The following DCHS2 variants were observed in gnomAD, a reference collection of about 807,000 sequenced individuals.
DCHS2 encodes protocadherin-23.
In DCHS2, 142 loss-of-function variants were observed where a neutral mutation model predicts 182.4. The observed-to-expected ratio is 0.78, with a 90% CI of 0.68 to 0.89. The LOEUF is 0.89. Ranked by LOEUF, DCHS2 falls within the 40% of genes least tolerant of loss-of-function variation. The probability of loss-of-function intolerance (pLI) is 0.00; values close to 1 mark genes in which losing one functional copy is unlikely to be tolerated. For missense variants in DCHS2, 4,319 were observed against 4,198.6 expected, an observed-to-expected ratio of 1.03 and a Z score of -0.79; for synonymous variants, 1,740 against 1,663.3, an observed-to-expected ratio of 1.05 and a Z score of -1.12.
Position 154,333,373 on chromosome 4 carries a change from C to A in DCHS2, c.2835G>T (p.Val945=). 1 of 1,614,144 alleles carries A rather than the reference C, an allele frequency of 6.2e-7. No individual in the cohort carries two copies. Among genetic ancestry groups the A allele is most frequent in the Middle Eastern group, 1.6e-4 (1 of 6,062 alleles). Residue 945 remains valine, a synonymous_variant, in exon 5 of 20, where the codon GTG becomes GTT. Coordinates refer to ENST00000357232, the MANE Select transcript of DCHS2 (RefSeq NM_001358235.2). ...GCTGCGCCTGCACCGTGAGCACAAC[C>A]ACGGGCTGCGTCTCGTGATCCAGGG... ...RKPLDHETQP[V]VVLTVQAQLG...
chr4:154,331,796 T>C, intron 5 of DCHS2: 2 of 1,452,418 alleles, frequency 1.4e-6, no homozygotes, highest in African/African-American at 2.8e-5. Flanking sequence ...GTTTCAGTTT[T>C]CCCGGGTATG....
rs139310451 is a variant in DCHS2 at position 154,448,957 on chromosome 4, G to C, written c.2052+40347C>G. ...CAACTTCCATCTGTGTGATTGTATG[G>C]TTAATGCGTGCCTCCTCACTGGACT... is the stretch of plus-strand genomic sequence containing the variant. On this transcript the variant is annotated intron_variant, in intron 1 of 19. Transcript: ENST00000357232. 5.4e-3 allele frequency among the ~76,000 whole-genome samples: 829 copies of C among 152,274 alleles called. 11 individuals carry two copies. The highest frequency in any genetic ancestry group is 0.054 in the Middle Eastern group (16 of 294).
In DCHS2 at chr4:154,329,506, A is replaced by G. The variant is rs768987398; in HGVS notation, c.3918+17T>C. 6.2e-7 allele frequency: 1 copy of G among 1,606,790 alleles called. No individual in the cohort carries two copies. Among genetic ancestry groups the G allele is most frequent in the Non-Finnish European group, 8.5e-7 (1 of 1,174,580 alleles). On this transcript the variant is annotated intron_variant, in intron 6 of 19. Coordinates refer to ENST00000357232, the MANE Select transcript of DCHS2 (RefSeq NM_001358235.2). ...ACTTAAGATATTACAAATTCATTGC[A>G]AGGTTTCTTCACAAACCTTCACGTG...
At chr4:154,398,644 C>A (rs893968610) in intron 1 of DCHS2, among the ~76,000 whole-genome samples, 1 of 152,142 alleles carries the variant, frequency 6.6e-6, no homozygotes, top group African/African-American at 2.4e-5. Flanking sequence ...GAATTCCTAT[C>A]CCTATAAAGC....
At chr4:154,320,181 G>T (rs1355808172) in intron 9 of DCHS2, among the ~76,000 whole-genome samples, 198 bp downstream of exon 9, 1 of 152,106 alleles carries the variant, frequency 6.6e-6, no homozygotes, top group African/African-American at 2.4e-5. Flanking sequence ...GTCAGAGGCT[G>T]GATGGAAGGG....
In DCHS2 at chr4:154,315,862, C is replaced by G. The variant is rs777015976; in HGVS notation, c.5146G>C (p.Asp1716His). ...AATACTGGAGCTTCATCATTTACAT[C>G]AAGAACAGTAACTGTCAAAGTCTGG... ...SSQTLTVTVL[D>H]VNDEAPVFKQ... Residue 1716 changes from aspartate to histidine, a missense_variant, in exon 10 of 20, where the codon GAT (aspartate) becomes CAT (histidine). Coordinates refer to ENST00000357232, the MANE Select transcript of DCHS2 (RefSeq NM_001358235.2). 1.2e-6 allele frequency: 2 copies of G among 1,613,988 alleles called. No homozygotes were observed. The highest frequency in any genetic ancestry group is 4.5e-5 in the East Asian group (2 of 44,850).
intron 17 of DCHS2, among the ~76,000 whole-genome samples, chr4:154,241,335 A>G (rs1454601034): frequency 6.6e-6 from 1 of 152,158 alleles, no homozygotes. Context: ...AGTGGTGCAC[A>G]CACTGCTTCC....
chr4:154,426,786 T>A lies in DCHS2; in HGVS notation c.2053-49342A>T, dbSNP rs4696568. Among the ~76,000 whole-genome samples the A allele has an allele frequency of 8.3e-4, 123 of 148,008 alleles. 1 individual carries two copies. The highest frequency in any genetic ancestry group is 6.8e-3 in the Middle Eastern group (2 of 294). ...TTGTCTCTACAAAATAAAAATAAAC[T>A]TAAAAATAAAATAAAATAACTAAAA... On this transcript the variant is annotated intron_variant, in intron 1 of 19. Coordinates refer to ENST00000357232, the MANE Select transcript of DCHS2 (RefSeq NM_001358235.2).
At chr4:154,343,550 T>C (rs1376939022) in intron 3 of DCHS2, 1 of 1,528,544 alleles carries the variant, frequency 6.5e-7, no homozygotes, top group Non-Finnish European at 8.8e-7. Context: ...CTTGCACTTT[T>C]AGGTAATGGA....
intron 3 of DCHS2, among the ~76,000 whole-genome samples, chr4:154,337,325 T>G (rs1267909462): frequency 6.6e-6 from 1 of 152,196 alleles, no homozygotes; most frequent in Non-Finnish European, 1.5e-5. Context: ...AAAGATTTTA[T>G]GTTGAGCCCT....
intron 7 of DCHS2, chr4:154,323,132 T>C: frequency 6.9e-7 from 1 of 1,443,194 alleles, no homozygotes; most frequent in South Asian, 1.5e-5. Context: ...CCTGACATTT[T>C]CCATGATCTA....
Position 154,339,761 on chromosome 4 carries a change from T to A in DCHS2, c.2477-4657A>T, listed in dbSNP as rs1728978899. Among the ~76,000 whole-genome samples, 3 of 152,148 alleles carry A rather than the reference T, an allele frequency of 2.0e-5. No individual in the cohort carries two copies. In the South Asian group the frequency reaches 6.2e-4, roughly 32 times the overall value. ...CGCGCCCAGCCAAACATTTTTAAAA[T>A]CATGGTATATCTCTATTTAATGTAA... On this transcript the variant is annotated intron_variant, in intron 3 of 19. Coordinates refer to ENST00000357232, the MANE Select transcript of DCHS2 (RefSeq NM_001358235.2).
At chr4:154,326,632 G>A (rs907591886) in intron 7 of DCHS2, among the ~76,000 whole-genome samples, 1 of 151,940 alleles carries the variant, frequency 6.6e-6, no homozygotes, top group African/African-American at 2.4e-5. Flanking sequence ...GTAGGTAACC[G>A]ATCATATCAG....
At chr4:154,242,153 T>G (rs998887613) in intron 17 of DCHS2, among the ~76,000 whole-genome samples, 4 of 152,212 alleles carry the variant, frequency 2.6e-5, no homozygotes, top group African/African-American at 9.6e-5. Flanking sequence ...TAAAAATTTC[T>G]AGTTTCAACC....
intron 16 of DCHS2, among the ~76,000 whole-genome samples, chr4:154,251,181 GGAGAATACACT>G (rs1395965901): frequency 6.6e-6 from 1 of 152,188 alleles, no homozygotes; most frequent in East Asian, 1.9e-4. Flanking sequence ...AGCATTCAAT[GGAGAATACACT>G]GAGTTTAGCA....
chr4:154,279,582 G>T (rs761517898), intron 13 of DCHS2, among the ~76,000 whole-genome samples: 10 of 151,984 alleles, frequency 6.6e-5, no homozygotes, highest in Non-Finnish European at 1.3e-4. Context: ...CAAAAGGAAA[G>T]CTAGTAAATT....
Position 154,239,259 on chromosome 4 carries a change from G to A in DCHS2, c.7403C>T (p.Thr2468Ile). ...ESIPVGYSVL[T>I]LSATDLESNE... is the part of the protein sequence containing the mutation. Reference sequence around the variant, plus strand: ...GCTTTCTAAGTCTGTGGCTGACAGAGTCAGCACTGAATACCCCACAGGTAT... The same window carrying A: ...GCTTTCTAAGTCTGTGGCTGACAGAATCAGCACTGAATACCCCACAGGTAT... Residue 2468 changes from threonine (T) to isoleucine (I), a missense_variant, in exon 19 of 20, where the codon ACT becomes ATT. Physicochemically the swap from Thr to Ile is moderately conservative, Grantham distance 89. Transcript: ENST00000357232. 1 of 1,613,492 alleles carries A rather than the reference G, an allele frequency of 6.2e-7. No individual in the cohort carries two copies. The highest frequency in any genetic ancestry group is 8.5e-7 in the Non-Finnish European group (1 of 1,179,706).
At chr4:154,337,074 CA>C (rs1728846460) in intron 3 of DCHS2, among the ~76,000 whole-genome samples, 2 of 152,314 alleles carry the variant, frequency 1.3e-5, no homozygotes, top group South Asian at 2.1e-4. Context: ...GATGGTCCAT[CA>C]AAGCACTCAG....
chr4:154,451,703 A>G (rs965855376), intron 1 of DCHS2, among the ~76,000 whole-genome samples: 1 of 152,166 alleles, frequency 6.6e-6, no homozygotes, highest in Non-Finnish European at 1.5e-5. Flanking sequence ...AAATCCTCCC[A>G]GAGGGCAGAA....
Sources: allele counts gnomAD v4.1 joint callset (sites outside exome capture counted in the v4.1 genomes callset), GRCh38; gene constraint gnomAD v4.1.1; transcripts MANE v1.5; gene names NCBI Gene and HGNC (gene_info 2026-07-23, HGNC 2026-07-21).